Variants in NCK1 observed in about 807,000 individuals in gnomAD.
NCK1 encodes the protein NCK adaptor protein 1, also known as SH2/SH3 adapter protein NCK1.
A neutral mutation model predicts 36.6 loss-of-function variants in NCK1; 19 were observed. The observed-to-expected ratio is 0.52, with a 90% CI of 0.36 to 0.76. The LOEUF (loss-of-function observed/expected upper bound fraction) is 0.76. Among genes scored for constraint, NCK1 ranks in the 30% least tolerant of loss-of-function variants. The pLI, the probability that NCK1 is intolerant of heterozygous loss-of-function variation, is 0.00. For synonymous variants in NCK1, 165 were observed against 156.0 expected, an observed-to-expected ratio of 1.06 and a Z score of -0.43; for missense variants, 358 against 445.6, an observed-to-expected ratio of 0.80 and a Z score of 1.77.
chr3:136,922,026 G>A (rs879742166), intron 1 of NCK1, among the ~76,000 whole-genome samples: 5 of 152,142 alleles, frequency 3.3e-5, no homozygotes, highest in Non-Finnish European at 7.4e-5. Context: ...CTCGTGATCT[G>A]CCTGCCTCGG....
At chr3:136,903,605 A>G (rs1939604313) in intron 1 of NCK1, among the ~76,000 whole-genome samples, 1 of 152,114 alleles carries the variant, frequency 6.6e-6, no homozygotes, top group Admixed American at 6.5e-5. Flanking sequence ...TTGTATTTTC[A>G]GTGGAGATGG....
At chr3:136,911,223 G>C (rs1425317088) in intron 1 of NCK1, among the ~76,000 whole-genome samples, 1 of 152,148 alleles carries the variant, frequency 6.6e-6, no homozygotes, top group East Asian at 1.9e-4. Flanking sequence ...TGGGAATATA[G>C]ATGTCCCTTT....
chr3:136,909,330 G>A (rs560331703), intron 1 of NCK1, among the ~76,000 whole-genome samples: 116 of 152,278 alleles, frequency 7.6e-4, no homozygotes, highest in Middle Eastern at 6.8e-3. Flanking sequence ...GCTGAGAGGG[G>A]AAGGGCATGC....
At chr3:136,937,829 G>T (rs544340151) in intron 2 of NCK1, among the ~76,000 whole-genome samples, 1 of 152,278 alleles carries the variant, frequency 6.6e-6, no homozygotes, top group Admixed American at 6.5e-5. Flanking sequence ...GTGTGAGTGT[G>T]TGGGTGTGTG....
chr3:136,916,349 G>A (rs920024156), intron 1 of NCK1, among the ~76,000 whole-genome samples: 2 of 152,104 alleles, frequency 1.3e-5, no homozygotes, highest in Admixed American at 6.5e-5. Flanking sequence ...AGTTAAATAC[G>A]TCTGATATTT....
At chr3:136,865,759 C>T (rs1376295666) in intron 1 of NCK1, among the ~76,000 whole-genome samples, 1 of 152,206 alleles carries the variant, frequency 6.6e-6, no homozygotes, top group Non-Finnish European at 1.5e-5. Flanking sequence ...CTAAATATGA[C>T]ATTTAAAGAT....
rs374194026 is a variant in NCK1, at chr3:136,889,969, G to A, written c.-19+27616G>A. Among the ~76,000 whole-genome samples the A allele has an allele frequency of 3.3e-5, 5 of 152,332 alleles. No individual in the cohort carries two copies. The East Asian group carries it at 9.7e-4, about 29-fold the overall frequency. On this transcript the variant is annotated intron_variant, in intron 1 of 3. Coordinates refer to ENST00000481752, the MANE Select transcript of NCK1 (RefSeq NM_001291999.2). ...GGATCCCGCACAGGGGTTGCAGGTG[G>A]AGCTGCCTGCCAGTCCTGCGCTGTG... is the stretch of plus-strand genomic sequence containing the variant.
At chr3:136,921,813 C>G (rs1313155459) in intron 1 of NCK1, among the ~76,000 whole-genome samples, 1 of 152,192 alleles carries the variant, frequency 6.6e-6, no homozygotes, top group East Asian at 1.9e-4. Context: ...GAGACGGAGT[C>G]TGTCTCTGTC....
In NCK1 at chr3:136,888,230, A is replaced by G. The variant is rs192391139; in HGVS notation, c.-19+25877A>G. On this transcript the variant is annotated intron_variant, in intron 1 of 3. Transcript: ENST00000481752. ...AGTGCTGAGATTACAGGTGTGAGCC[A>G]CCGTGCCTGGCCCTCCTTGCTTTAT... Among the ~76,000 whole-genome samples, 227 of 152,236 alleles carry G rather than the reference A, an allele frequency of 1.5e-3. 3 individuals carry two copies. The Middle Eastern group carries it at 0.027, about 18-fold the overall frequency.
At chr3:136,864,267 C>T (rs1448833244) in intron 1 of NCK1, among the ~76,000 whole-genome samples, 3 of 150,224 alleles carry the variant, frequency 2.0e-5, no homozygotes, top group African/African-American at 7.3e-5. Context: ...CCGAGGCAGG[C>T]GGATCACGAG....
At chr3:136,910,379 G>A (rs1939802766) in intron 1 of NCK1, among the ~76,000 whole-genome samples, 1 of 152,094 alleles carries the variant, frequency 6.6e-6, no homozygotes, top group South Asian at 2.1e-4. Context: ...TGTCTCTTAT[G>A]TAGAAAATAA....
rs147582566 is a variant in NCK1 at position 136,869,345 on chromosome 3, G to C, written c.-19+6992G>C. Among the ~76,000 whole-genome samples the C allele has an allele frequency of 7.7e-4, 117 of 152,330 alleles. No individual in the cohort carries two copies. In the East Asian group the frequency reaches 0.019, roughly 25 times the overall value. ...GCGGATAACTTGATCCCAGGAGTTC[G>C]AGACCAGCTTGGCCAACATGGTGAA... On this transcript the variant is annotated intron_variant, in intron 1 of 3. Coordinates refer to ENST00000481752, the MANE Select transcript of NCK1 (RefSeq NM_001291999.2).
intron 3 of NCK1, among the ~76,000 whole-genome samples, chr3:136,947,379 G>T (rs1014766899): frequency 6.6e-6 from 1 of 152,110 alleles, no homozygotes; most frequent in Non-Finnish European, 1.5e-5. Flanking sequence ...AGAATTGTAT[G>T]TATTTTCTTG....
intron 1 of NCK1, among the ~76,000 whole-genome samples, chr3:136,873,514 T>C (rs1275096063): frequency 6.6e-6 from 1 of 152,176 alleles, no homozygotes; most frequent in East Asian, 1.9e-4. Flanking sequence ...TCTAAGTTAA[T>C]GCTGAAATGA....
intron 1 of NCK1, among the ~76,000 whole-genome samples, chr3:136,912,569 C>A (rs1332721650): frequency 1.3e-5 from 2 of 151,632 alleles, no homozygotes; most frequent in Non-Finnish European, 2.9e-5. Flanking sequence ...TTATTCAAAT[C>A]CCTGTAGTGA....
At chr3:136,913,708 G>A (rs1489354287) in intron 1 of NCK1, among the ~76,000 whole-genome samples, 1 of 151,210 alleles carries the variant, frequency 6.6e-6, no homozygotes, top group Admixed American at 6.6e-5. Flanking sequence ...TCACTCTTTC[G>A]CCCAGGCTGG....
At chr3:136,874,167 G>GT (rs1938702242) in intron 1 of NCK1, among the ~76,000 whole-genome samples, 1 of 152,032 alleles carries the variant, frequency 6.6e-6, no homozygotes, top group Non-Finnish European at 1.5e-5. Flanking sequence ...TTCATTTACA[G>GT]TTTTTTACAT....
chr3:136,904,184 G>A (rs6800690), intron 1 of NCK1, among the ~76,000 whole-genome samples: 95,246 of 151,804 alleles, frequency 0.63, 30,172 homozygotes, highest in East Asian at 0.87. Context: ...AGACAGTCTC[G>A]CTCTGCCACC....
chr3:136,873,877 A>G (rs904305155), intron 1 of NCK1, among the ~76,000 whole-genome samples: 2 of 152,188 alleles, frequency 1.3e-5, no homozygotes, highest in Non-Finnish European at 2.9e-5. Context: ...AGCCACATGG[A>G]ACTGTAAGTC....
Sources: gnomAD v4.1 joint callset for allele counts (sites outside exome capture counted in the v4.1 genomes callset) on GRCh38, gnomAD v4.1.1 for gene constraint, MANE v1.5 for transcripts, NCBI Gene and HGNC (gene_info 2026-07-23, HGNC 2026-07-21) for gene names.